Variants in OXR1 observed in about 807,000 individuals in gnomAD.
OXR1 encodes oxidation resistance 1.
A neutral mutation model predicts 104.6 loss-of-function variants in OXR1; 41 were observed. That is an observed-to-expected ratio of 0.39 (90% CI 0.31 to 0.51). The LOEUF (loss-of-function observed/expected upper bound fraction) is 0.51. Ranked by LOEUF, OXR1 falls within the 20% of genes least tolerant of loss-of-function variation. OXR1 has a pLI of 0.77. For missense variants in OXR1, 955 were observed against 1,031.9 expected (o/e 0.93, Z 1.02); for synonymous variants, 348 against 348.4 (o/e 1.00, Z 0.01).
chr8:106,746,589 A>G (rs1281711863), intron 16 of OXR1, among the ~76,000 whole-genome samples: 2 of 152,208 alleles, frequency 1.3e-5, no homozygotes, highest in African/African-American at 4.8e-5. Context: ...AGGATATATA[A>G]TGATAATTTA....
intron 2 of OXR1, among the ~76,000 whole-genome samples, chr8:106,494,730 G>A (rs1811309621): frequency 1.3e-5 from 2 of 152,174 alleles, no homozygotes; most frequent in Admixed American, 1.3e-4. Flanking sequence ...TGTAGAATGG[G>A]ACCTGAGACT....
intron 3 of OXR1, among the ~76,000 whole-genome samples, chr8:106,611,193 G>T (rs878948597): frequency 6.6e-6 from 1 of 152,226 alleles, no homozygotes; most frequent in Non-Finnish European, 1.5e-5. Flanking sequence ...TAGAATGGCA[G>T]AGCAAGGGCT....
At chr8:106,455,833 T>G (rs1820569211) in intron 2 of OXR1, among the ~76,000 whole-genome samples, 1 of 152,242 alleles carries the variant, frequency 6.6e-6, no homozygotes, top group Admixed American at 6.5e-5. Flanking sequence ...ATGAAAGATA[T>G]ATTTAGTGTT....
intron 2 of OXR1, among the ~76,000 whole-genome samples, chr8:106,472,921 T>C (rs186442140): frequency 6.6e-6 from 1 of 151,986 alleles, no homozygotes; most frequent in Admixed American, 6.6e-5. Flanking sequence ...TGGTTGTTTT[T>C]CCCTAACAGT....
At chr8:106,684,493 G>A (rs946596898) in intron 6 of OXR1, 134 bp downstream of exon 6, 19 of 590,580 alleles carry the variant, frequency 3.2e-5, no homozygotes, top group Non-Finnish European at 5.5e-5. Context: ...GCTTAAGTTT[G>A]TAAATCCCAG....
chr8:106,435,383 C>T (rs986084813), intron 2 of OXR1, among the ~76,000 whole-genome samples: 1 of 152,096 alleles, frequency 6.6e-6, no homozygotes, highest in Admixed American at 6.6e-5. Context: ...ACAGAATTAC[C>T]TTTGAATCCG....
chr8:106,323,456 G>T (rs1814318615), intron 1 of OXR1, among the ~76,000 whole-genome samples: 1 of 152,060 alleles, frequency 6.6e-6, no homozygotes, highest in Non-Finnish European at 1.5e-5. Flanking sequence ...AGCAAGCAAA[G>T]ATTTCATGAC....
At position 106,362,076 on chromosome 8, in the gene OXR1, C is replaced by T. The variant is rs536877722; in HGVS notation, c.23+2440C>T. On this transcript the variant is annotated intron_variant, in intron 2 of 16. Coordinates refer to ENST00000517566, the MANE Select transcript of OXR1 (RefSeq NM_001198533.2). ...TCCACCTGCTAAACACAGAGGTCAG[C>T]CTCGCAGGGCAGCTTCTTCGTGTCT... 4.6e-5 allele frequency among the ~76,000 whole-genome samples: 7 copies of T among 152,290 alleles called. No individual in the cohort carries two copies. The East Asian group carries it at 1.4e-3, about 29-fold the overall frequency.
At chr8:106,543,809 C>G (rs1231708284) in intron 3 of OXR1, among the ~76,000 whole-genome samples, 1 of 152,146 alleles carries the variant, frequency 6.6e-6, no homozygotes, top group African/African-American at 2.4e-5. Context: ...AACCAAGAAG[C>G]CTTTGAAAAC....
At chr8:106,468,647 T>A (rs529898372) in intron 2 of OXR1, among the ~76,000 whole-genome samples, 353 of 151,900 alleles carry the variant, frequency 2.3e-3, no homozygotes, top group Non-Finnish European at 3.9e-3. Context: ...GGAATTTTGT[T>A]TGTCACTGAA....
intron 3 of OXR1, among the ~76,000 whole-genome samples, chr8:106,646,848 A>AT (rs1469186600): frequency 7.2e-5 from 11 of 152,214 alleles, no homozygotes; most frequent in Non-Finnish European, 1.5e-4. Context: ...CTGATGAGCT[A>AT]TTGTTCCTCA....
chr8:106,393,914 G>A (rs1045135651), intron 2 of OXR1, among the ~76,000 whole-genome samples: 1 of 151,888 alleles, frequency 6.6e-6, no homozygotes, highest in Non-Finnish European at 1.5e-5. Context: ...TTAAAACATT[G>A]TTAGCCAAGG....
At chr8:106,618,013 CA>C in intron 3 of OXR1, 12 of 1,497,402 alleles carry the variant, frequency 8.0e-6, no homozygotes, top group Non-Finnish European at 1.1e-5. Context: ...ACACTGCCAC[CA>C]GGGGTCAGGG....
At chr8:106,588,101 G>A (rs917354599) in intron 3 of OXR1, among the ~76,000 whole-genome samples, 1 of 151,554 alleles carries the variant, frequency 6.6e-6, no homozygotes, top group Non-Finnish European at 1.5e-5. Flanking sequence ...ACAGGCACCC[G>A]CCACCACGCC....
At chr8:106,446,058 T>A (rs1820001735) in intron 2 of OXR1, among the ~76,000 whole-genome samples, 1 of 152,106 alleles carries the variant, frequency 6.6e-6, no homozygotes, top group Non-Finnish European at 1.5e-5. Context: ...TTTGTGAAAG[T>A]TTTCTTTTCC....
chr8:106,274,154 G>T (rs573176519), intron 1 of OXR1, among the ~76,000 whole-genome samples: 11 of 152,110 alleles, frequency 7.2e-5, no homozygotes, highest in Non-Finnish European at 1.3e-4. Context: ...TAATTTTCTC[G>T]TATTGTATTT....
chr8:106,394,437 A>G (rs551910445), intron 2 of OXR1, among the ~76,000 whole-genome samples: 3 of 152,042 alleles, frequency 2.0e-5, no homozygotes, highest in Non-Finnish European at 4.4e-5. Context: ...CTGTGCTATG[A>G]TGTTGATAAT....
chr8:106,691,998 C>T (rs1477734768), intron 6 of OXR1, among the ~76,000 whole-genome samples: 1 of 150,468 alleles, frequency 6.6e-6, no homozygotes, highest in African/African-American at 2.4e-5. Context: ...CACACACACA[C>T]ACACACATAT....
At chr8:106,695,195 T>TA (rs1829885298) in intron 7 of OXR1, among the ~76,000 whole-genome samples, 1 of 150,998 alleles carries the variant, frequency 6.6e-6, no homozygotes, top group Admixed American at 6.6e-5. Context: ...AAAATAAGGG[T>TA]AAAGTCTATT....
Sources: allele counts gnomAD v4.1 joint callset (sites outside exome capture counted in the v4.1 genomes callset), GRCh38; gene constraint gnomAD v4.1.1; transcripts MANE v1.5; gene names NCBI Gene and HGNC (gene_info 2026-07-23, HGNC 2026-07-21).